ASB5: variants seen among roughly 807,000 people sequenced by gnomAD.
The protein encoded by ASB5 is ankyrin repeat and SOCS box containing 5, also known as ankyrin repeat and SOCS box protein 5.
ASB5 carries 45 observed loss-of-function variants against 42.1 expected under a neutral mutation model. The observed-to-expected ratio is 1.07, with a 90% CI of 0.84 to 1.37. The LOEUF is 1.37. Among genes scored for constraint, ASB5 ranks in the 40% most tolerant of loss-of-function variants. The pLI, the probability that ASB5 is intolerant of heterozygous loss-of-function variation, is 0.00. For synonymous variants in ASB5, 147 were observed against 150.6 expected, an observed-to-expected ratio of 0.98 and a Z score of 0.18; for missense variants, 402 against 399.8, an observed-to-expected ratio of 1.01 and a Z score of -0.05.
chr4:176,255,767 G>C (rs1277015684), intron 1 of ASB5, among the ~76,000 whole-genome samples: 1 of 152,180 alleles, frequency 6.6e-6, no homozygotes, highest in Non-Finnish European at 1.5e-5. Context: ...ATTATGCTCA[G>C]TACCTGGGTG....
intron 1 of ASB5, among the ~76,000 whole-genome samples, chr4:176,230,658 C>T (rs186229256): frequency 2.6e-5 from 4 of 152,230 alleles, no homozygotes; most frequent in Admixed American, 2.6e-4. Flanking sequence ...CCTTGTTCTT[C>T]CCCTTCAAAA....
chr4:176,227,736 C>T (rs897566725), intron 1 of ASB5, among the ~76,000 whole-genome samples: 2 of 152,138 alleles, frequency 1.3e-5, no homozygotes, highest in Admixed American at 1.3e-4. Flanking sequence ...CAGCCTCCTA[C>T]CTGCAGTGAC....
rs180793901 is a variant in ASB5 at position 176,225,387 on chromosome 4, A to G, written c.197-46T>C. 815 of 1,511,036 alleles carry G rather than the reference A, an allele frequency of 5.4e-4. 11 individuals are homozygous for G. In the South Asian group the frequency reaches 6.4e-3, roughly 12 times the overall value. 93.6% of individuals were successfully genotyped at this position (1,511,036 alleles called of 1,614,324 possible). On this transcript the variant is annotated intron_variant, in intron 1 of 6. Coordinates refer to ENST00000296525, the MANE Select transcript of ASB5 (RefSeq NM_080874.4). ...AAAGAAAAGAAAACAAAAATCCAAG[A>G]GTCAAAGTGAATCCCAGTAGACACA...
At chr4:176,272,011 G>C (rs898779926), upstream of ASB5, among the ~76,000 whole-genome samples, 14 of 151,944 alleles carry the variant, frequency 9.2e-5, no homozygotes, top group Admixed American at 4.6e-4. Context: ...GATCATACAA[G>C]ATTATATGTA....
intron 1 of ASB5, among the ~76,000 whole-genome samples, chr4:176,244,950 T>G (rs1753880759): frequency 6.6e-6 from 1 of 151,860 alleles, no homozygotes; most frequent in South Asian, 2.1e-4. Context: ...GCAACAGAGA[T>G]CCTATCTCAA....
At position 176,215,789 on chromosome 4, in the gene ASB5, G is replaced by T; in HGVS notation, c.863-62C>A. The T allele has an allele frequency of 3.4e-6, 5 of 1,486,252 alleles. No homozygotes were observed. In the South Asian group the frequency reaches 5.0e-5, roughly 15 times the overall value. 92.1% of individuals were successfully genotyped at this position (1,486,252 alleles called of 1,614,324 possible). A position where few individuals can be genotyped will look rare whatever the true frequency, so the allele number is the denominator to read the frequency against. On this transcript the variant is annotated intron_variant, in intron 6 of 6. Coordinates refer to ENST00000296525, the MANE Select transcript of ASB5 (RefSeq NM_080874.4). ...AGAAATGAATTTTTTATGTTGTAAG[G>T]TACATAACATAAAACCATAAAAACT...
rs9995318 is a variant in ASB5 at position 176,236,872 on chromosome 4, G to A, written c.197-11531C>T. ...TTCTATCATTATAATTAATGACTTC[G>A]TGTCAGAACACTTTTAGGAAGTTGC... On this transcript the variant is annotated intron_variant, in intron 1 of 6. Coordinates refer to ENST00000296525, the MANE Select transcript of ASB5 (RefSeq NM_080874.4). 5.3e-3 allele frequency among the ~76,000 whole-genome samples: 799 copies of A among 151,926 alleles called. 10 individuals carry two copies. Among genetic ancestry groups the A allele is most frequent in the African/African-American group, 0.018 (766 of 41,432 alleles).
In ASB5 at chr4:176,214,345, A is replaced by C. The variant is rs532521997; in HGVS notation, c.*1255T>G. On this transcript the variant is annotated 3_prime_UTR_variant, in exon 7 of 7. Transcript: ENST00000296525. ...TCACCCAAAGTTGCTTTTGTTTTAC[A>C]AAGAGTTGTACGTTGATTATCTTAT... 6.6e-6 allele frequency: 1 copy of C among 152,278 alleles called. No homozygotes were observed. Among genetic ancestry groups the C allele is most frequent in the Admixed American group, 6.5e-5 (1 of 15,280 alleles). 9.4% of individuals were successfully genotyped at this position (152,278 alleles called of 1,614,324 possible).
At chr4:176,241,816 A>G (rs1202910501) in intron 1 of ASB5, 3 of 362,510 alleles carry the variant, frequency 8.3e-6, no homozygotes, top group African/African-American at 4.2e-5. Context: ...ACAGATGTCA[A>G]TCTTGTGGTG....
At chr4:176,226,314 C>T (rs1038719244) in intron 1 of ASB5, among the ~76,000 whole-genome samples, 1 of 152,180 alleles carries the variant, frequency 6.6e-6, no homozygotes, top group African/African-American at 2.4e-5. Flanking sequence ...CATCAGAACT[C>T]CAGGCTTTCT....
At chr4:176,234,847 A>T (rs1753646705) in intron 1 of ASB5, among the ~76,000 whole-genome samples, 1 of 152,200 alleles carries the variant, frequency 6.6e-6, no homozygotes, top group Admixed American at 6.6e-5. Flanking sequence ...GGGCAATCAT[A>T]CTTACATATT....
intron 1 of ASB5, among the ~76,000 whole-genome samples, chr4:176,264,161 C>T (rs112545644): frequency 1.5e-3 from 224 of 152,202 alleles, no homozygotes; most frequent in African/African-American, 5.1e-3. Context: ...AAATCTCAAC[C>T]GTGAAAGGAG....
At chr4:176,238,722 G>T (rs80075497) in intron 1 of ASB5, among the ~76,000 whole-genome samples, 1 of 151,866 alleles carries the variant, frequency 6.6e-6, no homozygotes, top group South Asian at 2.1e-4. Flanking sequence ...TATTACTGGG[G>T]TTATTGTCTT....
chr4:176,215,972 T>C (rs1752957214), intron 6 of ASB5, among the ~76,000 whole-genome samples: 1 of 152,080 alleles, frequency 6.6e-6, no homozygotes, highest in African/African-American at 2.4e-5. Context: ...AGGAAATAAT[T>C]GTTGAATTTA....
chr4:176,235,113 T>C (rs1246552743), intron 1 of ASB5, among the ~76,000 whole-genome samples: 1 of 152,060 alleles, frequency 6.6e-6, no homozygotes, highest in African/African-American at 2.4e-5. Flanking sequence ...CCATAATGAG[T>C]CCATAATAAA....
chr4:176,215,933 T>A (rs1752956276), intron 6 of ASB5, among the ~76,000 whole-genome samples: 1 of 152,128 alleles, frequency 6.6e-6, no homozygotes, highest in African/African-American at 2.4e-5. Context: ...TCCATATACA[T>A]TCCTTAAAAT....
chr4:176,266,204 G>A (rs1329876314), intron 1 of ASB5, among the ~76,000 whole-genome samples: 1 of 152,140 alleles, frequency 6.6e-6, no homozygotes, highest in African/African-American at 2.4e-5. Context: ...ACTGCTCATG[G>A]GGAGGGCATC....
chr4:176,222,140 T>C (rs1429546872), intron 3 of ASB5, among the ~76,000 whole-genome samples, 173 bp downstream of exon 3: 1 of 152,330 alleles, frequency 6.6e-6, no homozygotes, highest in South Asian at 2.1e-4. Flanking sequence ...TATGCAATGA[T>C]TGGAAATCCT....
intron 1 of ASB5, among the ~76,000 whole-genome samples, chr4:176,234,110 C>T (rs2126957493): frequency 6.6e-6 from 1 of 152,330 alleles, no homozygotes; most frequent in East Asian, 1.9e-4. Context: ...CAAAAGTCTC[C>T]TAACTAGTCA....
Sources: gnomAD v4.1 joint callset for allele counts (sites outside exome capture counted in the v4.1 genomes callset) on GRCh38, gnomAD v4.1.1 for gene constraint, MANE v1.5 for transcripts, NCBI Gene and HGNC (gene_info 2026-07-23, HGNC 2026-07-21) for gene names.